Variants in RASGRF2 observed in about 807,000 individuals in gnomAD.
RASGRF2 encodes the protein Ras protein specific guanine nucleotide releasing factor 2.
A neutral mutation model predicts 151.0 loss-of-function variants in RASGRF2; 76 were observed. The ratio of observed to expected loss-of-function variants is 0.50; its 90% confidence interval spans 0.42 to 0.61. RASGRF2 has a LOEUF of 0.61. RASGRF2 is among the 20% of genes least tolerant of loss of function. The pLI is 0.00. For missense variants in RASGRF2, 1,148 were observed against 1,564.6 expected (o/e 0.73, Z 4.49); for synonymous variants, 504 against 566.5 (o/e 0.89, Z 1.57).
chr5:80,989,637 G>A (rs1478239791), intron 1 of RASGRF2, among the ~76,000 whole-genome samples: 1 of 152,202 alleles, frequency 6.6e-6, no homozygotes, highest in Non-Finnish European at 1.5e-5. Context: ...CATCGTGTTA[G>A]TAAATGAGAT....
At chr5:81,102,246 G>T (rs144817911) in intron 12 of RASGRF2, among the ~76,000 whole-genome samples, 17 of 152,254 alleles carry the variant, frequency 1.1e-4, no homozygotes, top group African/African-American at 3.9e-4. Flanking sequence ...TTGGCCTAAG[G>T]CCCATTAATC....
chr5:81,129,362 AT>A (rs1013549776), intron 17 of RASGRF2, among the ~76,000 whole-genome samples: 11 of 150,406 alleles, frequency 7.3e-5, no homozygotes, highest in African/African-American at 1.9e-4. Flanking sequence ...TATCTGTGTG[AT>A]TTTTTTTTTC....
intron 1 of RASGRF2, among the ~76,000 whole-genome samples, chr5:80,969,327 G>T (rs766476826): frequency 6.6e-6 from 1 of 151,056 alleles, no homozygotes; most frequent in African/African-American, 2.4e-5. Flanking sequence ...GTAGAGACAG[G>T]GTTTCACCAT....
At chr5:81,039,748 A>G (rs537936443) in intron 1 of RASGRF2, among the ~76,000 whole-genome samples, 1 of 145,974 alleles carries the variant, frequency 6.9e-6, no homozygotes, top group Non-Finnish European at 1.5e-5. Context: ...AAGAAAAACC[A>G]CATGATTATA....
At position 81,005,275 on chromosome 5, in the gene RASGRF2, A is replaced by G. The variant is rs534765666; in HGVS notation, c.289-37602A>G. ...GGGAGGCCTCAGGAAACCGACAATC[A>G]TGGCGGAAGGGGAAGCAAACATGTC... On this transcript the variant is annotated intron_variant, in intron 1 of 26. Transcript: ENST00000265080. Among the ~76,000 whole-genome samples the G allele has an allele frequency of 7.5e-4, 114 of 152,318 alleles. 1 individual carries two copies. Among genetic ancestry groups the G allele is most frequent in the Middle Eastern group, 3.4e-3 (1 of 294 alleles).
chr5:81,083,493 T>C (rs1752144735), intron 7 of RASGRF2, among the ~76,000 whole-genome samples: 1 of 152,170 alleles, frequency 6.6e-6, no homozygotes, highest in Non-Finnish European at 1.5e-5. Flanking sequence ...GTTAGTCAGT[T>C]GCTGCTGTTA....
At chr5:81,187,439 G>A (rs1755049714) in intron 18 of RASGRF2, among the ~76,000 whole-genome samples, 1 of 152,200 alleles carries the variant, frequency 6.6e-6, no homozygotes, top group African/African-American at 2.4e-5. Context: ...CTCCCACAGT[G>A]CCTCATTCCT....
chr5:81,052,805 T>C (rs1054920758), intron 2 of RASGRF2, among the ~76,000 whole-genome samples: 1 of 152,178 alleles, frequency 6.6e-6, no homozygotes, highest in East Asian at 1.9e-4. Context: ...TTGTCATCCA[T>C]GCTTGGATTT....
chr5:81,179,531 T>C (rs546952048), intron 17 of RASGRF2, among the ~76,000 whole-genome samples: 1 of 152,332 alleles, frequency 6.6e-6, no homozygotes, highest in South Asian at 2.1e-4. Context: ...TATTATATTC[T>C]TATGGGGTAC....
intron 17 of RASGRF2, among the ~76,000 whole-genome samples, chr5:81,157,726 G>A (rs1754294277): frequency 6.6e-6 from 1 of 152,218 alleles, no homozygotes; most frequent in Non-Finnish European, 1.5e-5. Flanking sequence ...GGCAGCAGAA[G>A]AGAGAATGAG....
intron 4 of RASGRF2, among the ~76,000 whole-genome samples, chr5:81,071,706 T>TA (rs917418255): frequency 3.7e-4 from 56 of 152,060 alleles, no homozygotes; most frequent in Non-Finnish European, 4.9e-4. Flanking sequence ...TTAGTTTTTT[T>TA]AAAAAAAATC....
At chr5:81,174,857 G>C (rs142049799) in intron 17 of RASGRF2, among the ~76,000 whole-genome samples, 2 of 152,306 alleles carry the variant, frequency 1.3e-5, no homozygotes, top group East Asian at 3.9e-4. Flanking sequence ...CTATTTAATA[G>C]TGGTGTCATG....
At chr5:80,996,651 G>A (rs1748893980) in intron 1 of RASGRF2, among the ~76,000 whole-genome samples, 1 of 145,724 alleles carries the variant, frequency 6.9e-6, no homozygotes, top group Non-Finnish European at 1.5e-5. Flanking sequence ...CCAGGCTGAA[G>A]TGCAGTGGCG....
At chr5:81,066,868 T>G (rs1719727596) in intron 2 of RASGRF2, among the ~76,000 whole-genome samples, 1 of 152,222 alleles carries the variant, frequency 6.6e-6, no homozygotes, top group Non-Finnish European at 1.5e-5. Context: ...GCAGCTTTTG[T>G]GGTATAAACA....
intron 17 of RASGRF2, among the ~76,000 whole-genome samples, chr5:81,159,670 A>G (rs944076598): frequency 1.3e-5 from 2 of 152,186 alleles, no homozygotes; most frequent in African/African-American, 2.4e-5. Context: ...AATTTACTAA[A>G]TATCAGTGAA....
At chr5:80,982,631 C>T (rs62365539) in intron 1 of RASGRF2, among the ~76,000 whole-genome samples, 6,310 of 89,998 alleles carry the variant, frequency 0.07, 224 homozygotes, top group African/African-American at 0.13. Context: ...GACAGAGTCT[C>T]GCTCTGTTGC....
chr5:81,204,388 T>C (rs1755461513), intron 19 of RASGRF2: 1 of 151,582 alleles, frequency 6.6e-6, no homozygotes, highest in Non-Finnish European at 1.5e-5. Context: ...GAGATTTATA[T>C]GCATTCCTGA....
At chr5:81,092,772 T>C in intron 9 of RASGRF2, 29 bp from the exon 10 acceptor site, 1 of 1,594,278 alleles carries the variant, frequency 6.3e-7, no homozygotes, top group South Asian at 1.1e-5. Context: ...TTTTAATTGC[T>C]GTGTATTCTT....
At chr5:81,060,578 A>G (rs1751399850) in intron 2 of RASGRF2, among the ~76,000 whole-genome samples, 1 of 152,192 alleles carries the variant, frequency 6.6e-6, no homozygotes, top group South Asian at 2.1e-4. Context: ...TCATAAAGAC[A>G]CAGATTTTTT....
Sources: gnomAD v4.1 joint callset for allele counts (sites outside exome capture counted in the v4.1 genomes callset) on GRCh38, gnomAD v4.1.1 for gene constraint, MANE v1.5 for transcripts, NCBI Gene and HGNC (gene_info 2026-07-23, HGNC 2026-07-21) for gene names.